C10orf90: variants seen among roughly 807,000 people sequenced by gnomAD.
C10orf90 encodes the protein (E2-independent) E3 ubiquitin-conjugating enzyme FATS.
In C10orf90, 56 loss-of-function variants were observed where a neutral mutation model predicts 62.5. That is an observed-to-expected ratio of 0.90 (90% CI 0.72 to 1.12). C10orf90 has a LOEUF of 1.12. C10orf90 is among the 50% of genes most tolerant of loss of function. The pLI, the probability that C10orf90 is intolerant of heterozygous loss-of-function variation, is 0.00. For synonymous variants in C10orf90, 386 were observed against 340.4 expected, an observed-to-expected ratio of 1.13 and a Z score of -1.47; for missense variants, 970 against 880.4, an observed-to-expected ratio of 1.10 and a Z score of -1.29.
At chr10:126,598,020 G>A (rs576768863) in intron 2 of C10orf90, among the ~76,000 whole-genome samples, 1 of 152,250 alleles carries the variant, frequency 6.6e-6, no homozygotes, top group South Asian at 2.1e-4. Flanking sequence ...GATATCATAA[G>A]ACCTGGCCAA....
intron 2 of C10orf90, among the ~76,000 whole-genome samples, chr10:126,525,428 G>T (rs1863908054): frequency 6.6e-6 from 1 of 152,158 alleles, no homozygotes; most frequent in South Asian, 2.1e-4. Flanking sequence ...CTTGTTTGTG[G>T]GACTGTGGGG....
chr10:126,655,839 C>CAAAAA (rs56164675), intron 1 of C10orf90, among the ~76,000 whole-genome samples: 7 of 139,808 alleles, frequency 5.0e-5, no homozygotes, highest in East Asian at 2.1e-4. Flanking sequence ...CAAAACAAAA[C>CAAAAA]AAAAAAAAAA....
chr10:126,515,117 C>A (rs1188207062), intron 2 of C10orf90, among the ~76,000 whole-genome samples: 1 of 152,222 alleles, frequency 6.6e-6, no homozygotes. Context: ...TGCATGACAA[C>A]CTTTCGGTCA....
chr10:126,573,565 A>T (rs1401854972), intron 2 of C10orf90, among the ~76,000 whole-genome samples: 2 of 152,148 alleles, frequency 1.3e-5, no homozygotes, highest in Non-Finnish European at 2.9e-5. Context: ...ACCCCTGTCC[A>T]GTAGCACTTT....
intron 4 of C10orf90, among the ~76,000 whole-genome samples, chr10:126,497,829 C>T (rs1862152931): frequency 6.6e-6 from 1 of 152,166 alleles, no homozygotes; most frequent in African/African-American, 2.4e-5. Flanking sequence ...ATTTTCAATA[C>T]AACTATTTAC....
At chr10:126,434,028 C>A (rs1332248656) in intron 7 of C10orf90, among the ~76,000 whole-genome samples, 1 of 152,192 alleles carries the variant, frequency 6.6e-6, no homozygotes, top group East Asian at 1.9e-4. Flanking sequence ...CCCAAAAAGT[C>A]TTGCATCTGC....
At chr10:126,465,513 G>A (rs561894884) in intron 4 of C10orf90, among the ~76,000 whole-genome samples, 1 of 152,094 alleles carries the variant, frequency 6.6e-6, no homozygotes, top group Admixed American at 6.5e-5. Flanking sequence ...AGTAATTTAT[G>A]TAGAGTGGTT....
chr10:126,568,592 T>A (rs1844440793), intron 2 of C10orf90, among the ~76,000 whole-genome samples: 2 of 152,164 alleles, frequency 1.3e-5, no homozygotes, highest in South Asian at 4.1e-4. Context: ...AGTAACCTAA[T>A]CATGGGAATT....
chr10:126,646,990 G>A (rs1258654952), intron 1 of C10orf90, among the ~76,000 whole-genome samples: 1 of 152,108 alleles, frequency 6.6e-6, no homozygotes, highest in East Asian at 1.9e-4. Flanking sequence ...ATGGGTGCTG[G>A]GCTGAAGCTA....
Position 126,504,238 on chromosome 10 carries a change from T to A in C10orf90, c.1253A>T (p.Gln418Leu). ...GTCCTGGTCTCCCTCCAGGAGCTCCTGCTTCAGGGCTTCGCTTATTGGCTC... is the reference window on the plus strand; with the variant it reads ...GTCCTGGTCTCCCTCCAGGAGCTCCAGCTTCAGGGCTTCGCTTATTGGCTC... The part of the protein sequence containing the change: ...NREPISEALK[Q>L]ELLEGDQDLV... The change falls in exon 4 of 10, where the codon CAG (glutamine) becomes CTG (leucine). Residue 418 changes from glutamine to leucine, a missense_variant. Coordinates refer to ENST00000488181, the MANE Select transcript of C10orf90 (RefSeq NM_001350921.2). This position sits in a 1 kb window ranked among gnomAD's most constrained non-coding sequence, Gnocchi z 4.1. 1.2e-6 allele frequency: 2 copies of A among 1,614,206 alleles called. No homozygotes were observed. The highest frequency in any genetic ancestry group is 1.7e-6 in the Non-Finnish European group (2 of 1,180,040).
At chr10:126,658,222 A>G (rs1846436251) in intron 1 of C10orf90, among the ~76,000 whole-genome samples, 1 of 152,338 alleles carries the variant, frequency 6.6e-6, no homozygotes. Context: ...TCTGAAAAAC[A>G]TGAGTGATCA....
At chr10:126,525,957 G>A (rs547201349) in intron 2 of C10orf90, among the ~76,000 whole-genome samples, 185 of 151,082 alleles carry the variant, frequency 1.2e-3, no homozygotes, top group African/African-American at 4.3e-3. Context: ...CAGGGAAACC[G>A]TCCTCTTAAA....
At chr10:126,500,194 T>C (rs1381691546) in intron 4 of C10orf90, among the ~76,000 whole-genome samples, 5 of 152,218 alleles carry the variant, frequency 3.3e-5, no homozygotes, top group African/African-American at 1.2e-4. Flanking sequence ...TTACTCCAGA[T>C]GTTCATAAGC....
At chr10:126,605,036 A>C (rs1845277210) in intron 2 of C10orf90, among the ~76,000 whole-genome samples, 3 of 152,230 alleles carry the variant, frequency 2.0e-5, no homozygotes, top group African/African-American at 7.2e-5. Flanking sequence ...TGGATTGCAC[A>C]CATTCAAAGA....
intron 7 of C10orf90, among the ~76,000 whole-genome samples, chr10:126,436,646 G>A (rs868314785): frequency 6.6e-6 from 1 of 152,062 alleles, no homozygotes; most frequent in South Asian, 2.1e-4. Flanking sequence ...CCCATTGCGG[G>A]AGCAGAATCA....
At chr10:126,625,669 G>A (rs907123434) in intron 2 of C10orf90, among the ~76,000 whole-genome samples, 7 of 152,184 alleles carry the variant, frequency 4.6e-5, no homozygotes, top group African/African-American at 7.2e-5. Flanking sequence ...AGGTATCAAG[G>A]CCTCCAAATG....
chr10:126,606,642 AG>A (rs1369717133), intron 2 of C10orf90, among the ~76,000 whole-genome samples: 1 of 152,178 alleles, frequency 6.6e-6, no homozygotes, highest in African/African-American at 2.4e-5. Context: ...ATTTGCTGTT[AG>A]GATTAGGATT....
intron 3 of C10orf90, among the ~76,000 whole-genome samples, chr10:126,512,348 G>A (rs61863958): frequency 2.3e-5 from 1 of 42,780 alleles, no homozygotes; most frequent in Non-Finnish European, 4.7e-5. Flanking sequence ...ATGTGTGTGT[G>A]TCTGTGTGTG....
chr10:126,474,131 A>G (rs1306178185), intron 4 of C10orf90, among the ~76,000 whole-genome samples: 2 of 152,142 alleles, frequency 1.3e-5, no homozygotes, highest in Non-Finnish European at 2.9e-5. Context: ...ACCAGTTCCC[A>G]AGTGGTTCAC....
Sources: allele counts gnomAD v4.1 joint callset (sites outside exome capture counted in the v4.1 genomes callset), GRCh38; gene constraint gnomAD v4.1.1; non-coding constraint Gnocchi (gnomAD v3.1); transcripts MANE v1.5; gene names NCBI Gene and HGNC (gene_info 2026-07-23, HGNC 2026-07-21).